The following WDR7 variants were observed in gnomAD, a reference collection of about 807,000 sequenced individuals.
WDR7 encodes WD repeat-containing protein 7.
Under a neutral mutation model 169.4 loss-of-function variants are expected in WDR7, and 46 were observed. The ratio of observed to expected loss-of-function variants is 0.27; its 90% CI spans 0.21 to 0.35. The LOEUF (loss-of-function observed/expected upper bound fraction) is 0.35. Ranked by LOEUF, WDR7 falls within the 10% of genes least tolerant of loss-of-function variation. The pLI is 1.00. For missense variants in WDR7, 1,534 were observed against 1,859.3 expected (o/e 0.83, Z 3.22); for synonymous variants, 612 against 666.8 (o/e 0.92, Z 1.27).
chr18:56,936,247 A>G (rs778796545), intron 23 of WDR7: 16 of 193,046 alleles, frequency 8.3e-5, no homozygotes, highest in African/African-American at 1.2e-4. Context: ...CCTACTTGTC[A>G]TCAAAACTAA....
chr18:56,770,253 A>G (rs2044132878), intron 16 of WDR7, among the ~76,000 whole-genome samples: 2 of 152,204 alleles, frequency 1.3e-5, no homozygotes, highest in African/African-American at 4.8e-5. Context: ...TTTTCTAGAC[A>G]ATGAGTGCCT....
chr18:56,979,119 T>C (rs570040417), intron 26 of WDR7, among the ~76,000 whole-genome samples: 12 of 152,254 alleles, frequency 7.9e-5, no homozygotes, highest in African/African-American at 2.9e-4. Flanking sequence ...CCTATGATAT[T>C]GCCGCAAACA....
chr18:56,700,435 T>G (rs2025802627), intron 12 of WDR7, among the ~76,000 whole-genome samples: 1 of 151,758 alleles, frequency 6.6e-6, no homozygotes. Flanking sequence ...TTTTGTATTT[T>G]TAGTAGAGAC....
chr18:56,896,661 A>C (rs1411794515), intron 21 of WDR7, among the ~76,000 whole-genome samples: 4 of 151,890 alleles, frequency 2.6e-5, no homozygotes, highest in Non-Finnish European at 4.4e-5. Context: ...AAATTGGATC[A>C]CCTAATGCCT....
chr18:56,671,712 A>G (rs1245180485), intron 1 of WDR7, among the ~76,000 whole-genome samples: 1 of 152,244 alleles, frequency 6.6e-6, no homozygotes, highest in African/African-American at 2.4e-5. Flanking sequence ...TTCTGAAGTC[A>G]GGCTGCCTGG....
intron 25 of WDR7, among the ~76,000 whole-genome samples, chr18:56,944,157 T>C (rs1220445041): frequency 6.6e-6 from 1 of 151,504 alleles, no homozygotes; most frequent in East Asian, 2.0e-4. Flanking sequence ...CCCAGCTCAT[T>C]TTTGTATTCT....
intron 12 of WDR7, among the ~76,000 whole-genome samples, chr18:56,714,688 A>G (rs1262414501): frequency 6.6e-6 from 1 of 152,068 alleles, no homozygotes; most frequent in Non-Finnish European, 1.5e-5. Flanking sequence ...TGCTGGTATT[A>G]TAGGTGTGAG....
At chr18:56,705,718 G>T (rs2056746850) in intron 12 of WDR7, among the ~76,000 whole-genome samples, 1 of 152,148 alleles carries the variant, frequency 6.6e-6, no homozygotes, top group African/African-American at 2.4e-5. Context: ...ATAATGACTG[G>T]CCTGGCACGA....
intron 17 of WDR7, 54 bp from the exon 18 acceptor site, chr18:56,779,377 C>G: frequency 7.0e-7 from 1 of 1,434,268 alleles, no homozygotes; most frequent in Non-Finnish European, 9.5e-7. Context: ...GAACTGTTGA[C>G]TTAGGGAATG....
chr18:56,956,712 A>G (rs2145755430), intron 25 of WDR7, among the ~76,000 whole-genome samples: 1 of 152,208 alleles, frequency 6.6e-6, no homozygotes, highest in East Asian at 1.9e-4. Context: ...GGAATACCTC[A>G]TAGGTATTTC....
At position 56,962,544 on chromosome 18, in the gene WDR7, G is replaced by T; in HGVS notation, c.4164+15G>T. 1 of 1,609,548 alleles carries T rather than the reference G, an allele frequency of 6.2e-7. No homozygotes were observed. The highest frequency in any genetic ancestry group is 8.5e-7 in the Non-Finnish European group (1 of 1,176,362). ...GAAAATGTCAGGTAAATAAATCATT[G>T]TGACTTCCTCTCCATAAAGCGTGGA... On this transcript the variant is annotated intron_variant, in intron 26 of 27. Coordinates refer to ENST00000254442, the MANE Select transcript of WDR7 (RefSeq NM_015285.3).
At position 56,769,673 on chromosome 18, in the gene WDR7, A is replaced by G. The variant is rs116631181; in HGVS notation, c.2849-7109A>G. 1.2e-3 allele frequency among the ~76,000 whole-genome samples: 180 copies of G among 152,334 alleles called. 1 individual carries two copies. Among genetic ancestry groups the G allele is most frequent in the African/African-American group, 4.1e-3 (171 of 41,574 alleles). On this transcript the variant is annotated intron_variant, in intron 16 of 27. Coordinates refer to ENST00000254442, the MANE Select transcript of WDR7 (RefSeq NM_015285.3). ...TTTAAGCAATGTAAAGTTTAAGATT[A>G]TGTTATGTTCTTTGCAACTTTATTT... is the stretch of plus-strand genomic sequence containing the variant.
chr18:56,854,392 C>T (rs2045686487), intron 20 of WDR7, among the ~76,000 whole-genome samples: 1 of 152,184 alleles, frequency 6.6e-6, no homozygotes, highest in African/African-American at 2.4e-5. Flanking sequence ...TGAAGAGTTG[C>T]ATTGGGCAAG....
intron 17 of WDR7, among the ~76,000 whole-genome samples, chr18:56,778,858 G>A (rs1006772757): frequency 1.3e-5 from 2 of 152,076 alleles, no homozygotes; most frequent in African/African-American, 2.4e-5. Flanking sequence ...CAAATTGGGG[G>A]TTATGTTACT....
chr18:56,794,346 G>C (rs1368095610), intron 19 of WDR7, among the ~76,000 whole-genome samples: 3 of 78,026 alleles, frequency 3.8e-5, no homozygotes, highest in African/African-American at 1.3e-4. Context: ...GTCTCACTCT[G>C]TCGCCCAGGC....
chr18:56,807,147 CAA>C (rs566956902), intron 19 of WDR7, among the ~76,000 whole-genome samples: 15,179 of 83,862 alleles, frequency 0.18, 1,067 homozygotes, highest in African/African-American at 0.35. Context: ...TGATCCTAGC[CAA>C]AAAAAAAAAA....
At chr18:56,768,194 G>A (rs2044097103) in intron 16 of WDR7, among the ~76,000 whole-genome samples, 1 of 152,146 alleles carries the variant, frequency 6.6e-6, no homozygotes, top group African/African-American at 2.4e-5. Context: ...CTTTAATATT[G>A]CTTCTCTCAG....
intron 12 of WDR7, among the ~76,000 whole-genome samples, chr18:56,702,646 A>T (rs764365771): frequency 2.6e-5 from 4 of 152,234 alleles, no homozygotes; most frequent in Non-Finnish European, 5.9e-5. Context: ...TGTGTGTAAT[A>T]CAGTGTGATA....
Position 56,794,304 on chromosome 18 carries a change from A to ATTTTTTTT in WDR7, c.3190+12664_3190+12671dup, listed in dbSNP as rs566857049. On this transcript the variant is annotated intron_variant, in intron 19 of 27. Coordinates refer to ENST00000254442, the MANE Select transcript of WDR7 (RefSeq NM_015285.3). ...GTTTGTGTCTTAAAAGGTAAAGTCTATTTTTTTTTTTTTTTTTTTTTTTGA... is the reference window on the plus strand; with the variant it reads ...GTTTGTGTCTTAAAAGGTAAAGTCTATTTTTTTTTTTTTTTTTTTTTTTTTTTTTTTGA... 2.6e-4 allele frequency among the ~76,000 whole-genome samples: 13 copies of ATTTTTTTT among 49,464 alleles called. 4 individuals are homozygous for ATTTTTTTT. The highest frequency in any genetic ancestry group is 3.4e-4 in the Non-Finnish European group (9 of 26,186). 32.5% of individuals were successfully genotyped at this position (49,464 alleles called of 152,430 possible). A position where few individuals can be genotyped will look rare whatever the true frequency, so the allele number is the denominator to read the frequency against.
Sources: gnomAD v4.1 joint callset for allele counts (sites outside exome capture counted in the v4.1 genomes callset) on GRCh38, gnomAD v4.1.1 for gene constraint, MANE v1.5 for transcripts, NCBI Gene and HGNC (gene_info 2026-07-23, HGNC 2026-07-21) for gene names.